The following EXOC7 variants were observed in gnomAD, a reference collection of about 807,000 sequenced individuals.
EXOC7 encodes exocyst complex component Exo70.
Under a neutral mutation model 87.6 loss-of-function variants are expected in EXOC7, and 51 were observed. That is an observed-to-expected ratio of 0.58 (90% CI 0.46 to 0.73). The LOEUF is 0.73. EXOC7 is among the 30% of genes least tolerant of loss of function. The probability of loss-of-function intolerance (pLI) is 0.00; values close to 1 mark genes in which losing one functional copy is unlikely to be tolerated. For synonymous variants in EXOC7, 327 were observed against 357.1 expected, an observed-to-expected ratio of 0.92 and a Z score of 0.95; for missense variants, 744 against 888.4, an observed-to-expected ratio of 0.84 and a Z score of 2.07.
At chr17:76,091,606 G>A in intron 6 of EXOC7, 1 of 195,696 alleles carries the variant, frequency 5.1e-6, no homozygotes, top group Non-Finnish European at 1.1e-5. Context: ...CATACCCAGA[G>A]GGCACAACCA....
intron 5 of EXOC7, among the ~76,000 whole-genome samples, chr17:76,096,814 C>A (rs937619321): frequency 2.6e-5 from 4 of 152,070 alleles, no homozygotes; most frequent in Admixed American, 2.0e-4. Context: ...CCTTGGCCCC[C>A]CAAAGTGCTG....
Position 76,083,702 on chromosome 17 carries a change from G to A in EXOC7, c.2001C>T (p.Tyr667=), listed in dbSNP as rs761020236. Residue 667 remains tyrosine (Y), a synonymous_variant, in exon 19 of 19, where the codon TAC becomes TAT. Coordinates refer to ENST00000589210, the MANE Select transcript of EXOC7 (RefSeq NM_001013839.4). Reference sequence around the variant, plus strand: ...TCATGTCGCCCACCTGCTCCACCCCGTACTTGATGTACTTCTCCGGGTTCT... The same window carrying A: ...TCATGTCGCCCACCTGCTCCACCCCATACTTGATGTACTTCTCCGGGTTCT... ...FTKNPEKYIK[Y]GVEQVGDMID... The A allele has an allele frequency of 1.6e-5, 26 of 1,613,600 alleles. No homozygotes were observed. The highest frequency in any genetic ancestry group is 4.0e-5 in the African/African-American group (3 of 74,936).
chr17:76,082,793 C>G lies in EXOC7; in HGVS notation c.*855G>C. The G allele has an allele frequency of 1.3e-6, 1 of 784,420 alleles. No individual in the cohort carries two copies. Among genetic ancestry groups the G allele is most frequent in the Non-Finnish European group, 1.9e-6 (1 of 531,214 alleles). The allele number at this position is 784,420 out of a possible 1,614,324, so 48.6% of individuals were successfully genotyped here. Reference sequence around the variant, plus strand: ...ACAAGCACAGAGCGTGAAATAAACCCATCTCCAGTGCAAGTGTGCCTCAAG... The same window carrying G: ...ACAAGCACAGAGCGTGAAATAAACCGATCTCCAGTGCAAGTGTGCCTCAAG... On this transcript the variant is annotated 3_prime_UTR_variant, in exon 19 of 19. Transcript: ENST00000589210.
Position 76,088,514 on chromosome 17 carries a change from T to G in EXOC7, c.1249A>C (p.Met417Leu), listed in dbSNP as rs756296762. The G allele has an allele frequency of 5.6e-6, 9 of 1,614,060 alleles. No homozygotes were observed. Among genetic ancestry groups the G allele is most frequent in the Non-Finnish European group, 7.6e-6 (9 of 1,179,984 alleles). ...KNKLPGLITSMETIGAKALED... is the reference protein window; with the variant it reads ...KNKLPGLITSLETIGAKALED... ...AGCGCTTTGGCACCGATGGTCTCCATGGATGTGATGAGGCCAGGCAGCTTG... is the reference window on the plus strand; with the variant it reads ...AGCGCTTTGGCACCGATGGTCTCCAGGGATGTGATGAGGCCAGGCAGCTTG... The change falls in exon 10 of 19, where the codon ATG (methionine) becomes CTG (leucine). Residue 417 changes from methionine (M) to leucine (L), a missense_variant. Physicochemically the swap from Met to Leu is conservative, Grantham distance 15. Transcript: ENST00000589210.
Position 76,083,128 on chromosome 17 carries a change from T to C in EXOC7, c.*520A>G, listed in dbSNP as rs548653065. ...CTCCCCCAGCCACCTAGGGGACTCC[T>C]GGGAGGGAAAGGTCCCAGACCTCAG... is the stretch of plus-strand genomic sequence containing the variant. On this transcript the variant is annotated 3_prime_UTR_variant, in exon 19 of 19. Transcript: ENST00000589210. The C allele has an allele frequency of 1.3e-3, 222 of 167,648 alleles. 2 individuals are homozygous for C. The highest frequency in any genetic ancestry group is 2.1e-3 in the Non-Finnish European group (166 of 78,004). 10.4% of individuals were successfully genotyped at this position (167,648 alleles called of 1,614,324 possible).
In EXOC7 at chr17:76,086,110, A is replaced by G. The variant is rs868701568; in HGVS notation, c.1465T>C (p.Phe489Leu). ...TAGGTGCTTAGCAGCCGCTTGCTGA[A>G]CTCAGAGCTGTAGCTGGTGGCCGAA... ...SSSATSYSSE[F>L]SKRLLSTYIC... The change falls in exon 13 of 19, where the codon TTC becomes CTC. Residue 489 changes from phenylalanine (F) to leucine (L), a missense_variant. By Grantham distance (22) the Phe-to-Leu change is conservative. This residue lies in a region of EXOC7 where 228 missense variants were observed against 298.6 expected (regional missense o/e 0.76). Coordinates refer to ENST00000589210, the MANE Select transcript of EXOC7 (RefSeq NM_001013839.4). The G allele has an allele frequency of 6.2e-7, 1 of 1,613,902 alleles. No individual in the cohort carries two copies. Among genetic ancestry groups the G allele is most frequent in the South Asian group, 1.1e-5 (1 of 91,076 alleles).
Position 76,083,063 on chromosome 17 carries a change from C to T in EXOC7, c.*585G>A, listed in dbSNP as rs371919681. The T allele has an allele frequency of 3.9e-5, 7 of 178,896 alleles. No homozygotes were observed. The East Asian group carries it at 1.1e-3, about 29-fold the overall frequency. 11.1% of individuals were successfully genotyped at this position (178,896 alleles called of 1,614,324 possible). A position where few individuals can be genotyped will look rare whatever the true frequency, so the allele number is the denominator to read the frequency against. On this transcript the variant is annotated 3_prime_UTR_variant, in exon 19 of 19. Transcript: ENST00000589210. The stretch of plus-strand genomic sequence containing the variant: ...GAACTCCTCCTCCGAACGCCTCCTG[C>T]AGTGTGCTGGACTCTAGGGAAAATG...
At chr17:76,087,141 A>G in intron 12 of EXOC7, 1 of 478,638 alleles carries the variant, frequency 2.1e-6, no homozygotes, top group Non-Finnish European at 3.8e-6. Context: ...CTTGCCCCCA[A>G]AATGGGACGG....
intron 18 of EXOC7, 93 bp from the exon 19 acceptor site, chr17:76,083,843 T>C: frequency 6.6e-7 from 1 of 1,518,806 alleles, no homozygotes; most frequent in South Asian, 1.1e-5. Flanking sequence ...TTGGAAGGGG[T>C]GGCCCTGAGC....
rs374914758 is a variant in EXOC7, at chr17:76,081,871, G to A, written c.*1777C>T. The stretch of plus-strand genomic sequence containing the variant: ...GCCCCTGAGCATCTCCCTGTGCCCT[G>A]CCTCCCCCAGTTTACTACTTCACCA... On this transcript the variant is annotated 3_prime_UTR_variant, in exon 19 of 19. Coordinates refer to ENST00000589210, the MANE Select transcript of EXOC7 (RefSeq NM_001013839.4). 2.5e-6 allele frequency: 4 copies of A among 1,608,096 alleles called. No homozygotes were observed. The highest frequency in any genetic ancestry group is 3.4e-6 in the Non-Finnish European group (4 of 1,176,056).
chr17:76,099,260 C>T (rs2067938026), intron 4 of EXOC7, among the ~76,000 whole-genome samples: 1 of 152,184 alleles, frequency 6.6e-6, no homozygotes, highest in Non-Finnish European at 1.5e-5. Context: ...AATCCCAGCA[C>T]TTTGGGAGGC....
At chr17:76,086,566 A>G (rs960360971) in intron 12 of EXOC7, among the ~76,000 whole-genome samples, 1 of 152,128 alleles carries the variant, frequency 6.6e-6, no homozygotes, top group African/African-American at 2.4e-5. Flanking sequence ...CCTACTGAAC[A>G]GACGAAGCTG....
intron 5 of EXOC7, among the ~76,000 whole-genome samples, 189 bp downstream of exon 5, chr17:76,097,607 G>A (rs2067826170): frequency 6.7e-6 from 1 of 149,496 alleles, no homozygotes; most frequent in Non-Finnish European, 1.5e-5. Context: ...GGGAGGCTGA[G>A]GCAGGAGAAT....
rs2067361839 is a variant in EXOC7 at position 76,089,233 on chromosome 17, A to G, written c.989T>C (p.Leu330Pro). 6.2e-7 allele frequency: 1 copy of G among 1,614,104 alleles called. No individual in the cohort carries two copies. The highest frequency in any genetic ancestry group is 8.5e-7 in the Non-Finnish European group (1 of 1,179,996). ...GTGCTCGGGGATGATGTCGGCCAGCAGCTGGTACTCGCTCTGCGCCAGCTT... is the reference window on the plus strand; with the variant it reads ...GTGCTCGGGGATGATGTCGGCCAGCGGCTGGTACTCGCTCTGCGCCAGCTT... Reference protein sequence around the residue: ...FVKLAQSEYQLLADIIPEHHQ... With the variant: ...FVKLAQSEYQPLADIIPEHHQ... Residue 330 changes from leucine to proline, a missense_variant, in exon 8 of 19, where the codon CTG becomes CCG. Transcript: ENST00000589210.
chr17:76,093,512 C>T (rs1029322244), intron 6 of EXOC7: 2 of 152,794 alleles, frequency 1.3e-5, no homozygotes, highest in Admixed American at 1.3e-4. Flanking sequence ...CTACCCAAAG[C>T]TTGTTGTCAT....
chr17:76,085,920 A>G lies in EXOC7; in HGVS notation c.1496-123T>C, dbSNP rs544036421. The G allele has an allele frequency of 1.7e-5, 26 of 1,522,290 alleles. No individual in the cohort carries two copies. In the African/African-American group the frequency reaches 3.0e-4, roughly 18 times the overall value. 94.3% of individuals were successfully genotyped at this position (1,522,290 alleles called of 1,614,324 possible). On this transcript the variant is annotated intron_variant, in intron 13 of 18. Transcript: ENST00000589210. ...TCCTGCCTCAGGAGGCCTTAGCCCA[A>G]CTCCCCTCAGCCTCTGAACTAGAGG... is the stretch of plus-strand genomic sequence containing the variant.
rs750823224 is a variant in EXOC7 at position 76,081,541 on chromosome 17, C to G, written c.*2107G>C. 6.8e-6 allele frequency: 11 copies of G among 1,613,080 alleles called. No individual in the cohort carries two copies. Among genetic ancestry groups the G allele is most frequent in the African/African-American group, 5.3e-5 (4 of 74,936 alleles). On this transcript the variant is annotated 3_prime_UTR_variant, in exon 19 of 19. Coordinates refer to ENST00000589210, the MANE Select transcript of EXOC7 (RefSeq NM_001013839.4). ...CGGGAAGGCCCTGACTTTTCCCCTTCCAGCTGAGGCTGAAGAACACGGCGC... is the reference window on the plus strand; with the variant it reads ...CGGGAAGGCCCTGACTTTTCCCCTTGCAGCTGAGGCTGAAGAACACGGCGC...
intron 14 of EXOC7, 109 bp downstream of exon 14, chr17:76,085,568 C>T: frequency 4.5e-6 from 7 of 1,559,588 alleles, no homozygotes; most frequent in Non-Finnish European, 5.3e-6. Context: ...CTGAAGCACC[C>T]CCTCCCCTCT....
In EXOC7 at chr17:76,097,935, G is replaced by C; in HGVS notation, c.501C>G (p.Pro167=). Residue 167 remains proline, a synonymous_variant, in exon 5 of 19, where the codon CCC becomes CCG. Coordinates refer to ENST00000589210, the MANE Select transcript of EXOC7 (RefSeq NM_001013839.4). ...CACTGATCAGATCCAAGATGAGCAC[G>C]GGCGAGACGACCTTACTGTGCCGCG... ...LMTRHSKVVS[P]VLILDLISGD... 1 of 1,614,010 alleles carries C rather than the reference G, an allele frequency of 6.2e-7. No homozygotes were observed. The highest frequency in any genetic ancestry group is 8.5e-7 in the Non-Finnish European group (1 of 1,179,998).
Sources: allele counts gnomAD v4.1 joint callset (sites outside exome capture counted in the v4.1 genomes callset), GRCh38; gene constraint gnomAD v4.1.1; regional missense constraint gnomAD v4.1.1; transcripts MANE v1.5; gene names NCBI Gene and HGNC (gene_info 2026-07-23, HGNC 2026-07-21).